DHRS7C: variants seen among roughly 807,000 people sequenced by gnomAD.
The protein encoded by DHRS7C is dehydrogenase/reductase 7C.
Under a neutral mutation model 29.6 loss-of-function variants are expected in DHRS7C, and 28 were observed. The observed-to-expected ratio is 0.95, with a 90% CI of 0.70 to 1.30. The LOEUF (loss-of-function observed/expected upper bound fraction) is 1.30. Among genes scored for constraint, DHRS7C ranks in the 50% most tolerant of loss-of-function variants. The pLI, the probability that DHRS7C is intolerant of heterozygous loss-of-function variation, is 0.00. For synonymous variants in DHRS7C, 158 were observed against 160.2 expected, an observed-to-expected ratio of 0.99 and a Z score of 0.10; for missense variants, 403 against 393.3, an observed-to-expected ratio of 1.02 and a Z score of -0.21.
chr17:9,772,984 G>T lies in DHRS7C; in HGVS notation c.572-62C>A, dbSNP rs1220049332. On this transcript the variant is annotated intron_variant, in intron 4 of 5. Transcript: ENST00000571134. The stretch of plus-strand genomic sequence containing the variant: ...CTCCCGGCCCTGCTTCCTGGTGGGC[G>T]CATTGGAGGCAGGAGGGCCGACAGA... The T allele has an allele frequency of 6.3e-6, 10 of 1,579,528 alleles. No homozygotes were observed. The East Asian group carries it at 2.0e-4, about 32-fold the overall frequency.
In DHRS7C at chr17:9,774,866, G is replaced by A. The variant is rs1371381608; in HGVS notation, c.572-1944C>T. Among the ~76,000 whole-genome samples the A allele has an allele frequency of 6.6e-6, 1 of 152,132 alleles. No homozygotes were observed. Among genetic ancestry groups the A allele is most frequent in the Non-Finnish European group, 1.5e-5 (1 of 68,030 alleles). ...ATTCAGAGGAAGAAGAGAATTTGGG[G>A]CCAGTCCAGGGTGGCATGGCTTCAG... On this transcript the variant is annotated intron_variant, in intron 4 of 5. Coordinates refer to ENST00000571134, the MANE Select transcript of DHRS7C (RefSeq NM_001105571.3). This position sits in a 1 kb window ranked among gnomAD's most constrained non-coding sequence, Gnocchi z 5.0.
rs528764485 is a variant in DHRS7C, at chr17:9,775,817, C to T, written c.571+1376G>A. Among the ~76,000 whole-genome samples, 3 of 152,122 alleles carry T rather than the reference C, an allele frequency of 2.0e-5. No individual in the cohort carries two copies. Among genetic ancestry groups the T allele is most frequent in the Admixed American group, 6.6e-5 (1 of 15,258 alleles). On this transcript the variant is annotated intron_variant, in intron 4 of 5. Coordinates refer to ENST00000571134, the MANE Select transcript of DHRS7C (RefSeq NM_001105571.3). The surrounding 1 kb of genome is among the most constrained non-coding windows in gnomAD (Gnocchi z 4.2). Reference sequence around the variant, plus strand: ...CCAATACCCAGTACTCAGAATGTGACGGTATTTAGAGATATTTAAAGAGGT... The same window carrying T: ...CCAATACCCAGTACTCAGAATGTGATGGTATTTAGAGATATTTAAAGAGGT...
intron 1 of DHRS7C, among the ~76,000 whole-genome samples, chr17:9,785,551 G>A (rs1462151902): frequency 1.3e-5 from 2 of 152,206 alleles, no homozygotes; most frequent in Non-Finnish European, 2.9e-5. Context: ...TCTCAGAAGG[G>A]CAGTGGAACT....
At chr17:9,771,948 G>A (rs992594937) in intron 5 of DHRS7C, among the ~76,000 whole-genome samples, 2 of 152,234 alleles carry the variant, frequency 1.3e-5, no homozygotes, top group Non-Finnish European at 2.9e-5. Flanking sequence ...GGGCGGTTAC[G>A]TGTGGGGGAA....
chr17:9,779,978 C>T lies in DHRS7C; in HGVS notation c.325G>A (p.Val109Met). The T allele has an allele frequency of 6.2e-7, 1 of 1,613,914 alleles. No homozygotes were observed. The highest frequency in any genetic ancestry group is 8.5e-7 in the Non-Finnish European group (1 of 1,179,890). The change falls in exon 3 of 6, where the codon GTG (valine) becomes ATG (methionine). Residue 109 changes from valine to methionine, a missense_variant. Val to Met is a conservative substitution (Grantham distance 21). Coordinates refer to ENST00000571134, the MANE Select transcript of DHRS7C (RefSeq NM_001105571.3). ...TAGCAATCCAGGACTTCTTTTGCCACATCTGGGACACAGCTGATGTCTGAG... is the reference window on the plus strand; with the variant it reads ...TAGCAATCCAGGACTTCTTTTGCCATATCTGGGACACAGCTGATGTCTGAG... ...DLSDISCVPD[V>M]AKEVLDCYGC... is the part of the protein sequence containing the mutation.
In DHRS7C at chr17:9,771,824, C is replaced by T. The variant is rs190002902; in HGVS notation, c.728-128G>A. 48 of 975,696 alleles carry T rather than the reference C, an allele frequency of 4.9e-5. No individual in the cohort carries two copies. In the Admixed American group the frequency reaches 7.1e-4, roughly 14 times the overall value. 60.4% of individuals were successfully genotyped at this position (975,696 alleles called of 1,614,324 possible). Reference sequence around the variant, plus strand: ...GTCCCCGGAGTCACAGGTTCCAGGCCCCCTCCGCCACCCGCGGACCGCGGC... The same window carrying T: ...GTCCCCGGAGTCACAGGTTCCAGGCTCCCTCCGCCACCCGCGGACCGCGGC... On this transcript the variant is annotated intron_variant, in intron 5 of 5. Transcript: ENST00000571134.
chr17:9,773,031 G>T, intron 4 of DHRS7C, 109 bp from the exon 5 acceptor site: 1 of 1,335,194 alleles, frequency 7.5e-7, no homozygotes, highest in Non-Finnish European at 1.0e-6. Context: ...CAGGCGCAGA[G>T]CTGGGAAGAT....
chr17:9,785,663 T>C (rs971504374), intron 1 of DHRS7C, among the ~76,000 whole-genome samples: 1 of 152,138 alleles, frequency 6.6e-6, no homozygotes, highest in Non-Finnish European at 1.5e-5. Context: ...TTCACAGAAA[T>C]GAATAATCCT....
At chr17:9,778,955 G>A (rs1757911382) in intron 3 of DHRS7C, among the ~76,000 whole-genome samples, 1 of 152,124 alleles carries the variant, frequency 6.6e-6, no homozygotes, top group Non-Finnish European at 1.5e-5. Context: ...CCTGTCTAAA[G>A]ATGGAGTGCA....
intron 1 of DHRS7C, among the ~76,000 whole-genome samples, chr17:9,784,404 G>T (rs781520392): frequency 1.3e-5 from 2 of 151,976 alleles, no homozygotes; most frequent in Non-Finnish European, 2.9e-5. Context: ...CCCAGGAGGC[G>T]GAGCTTGCAG....
In DHRS7C at chr17:9,771,579, G is replaced by A. The variant is rs948319574; in HGVS notation, c.845C>T (p.Ala282Val). ...VFMANPIPKA[A>V]VYVRTFFPEF... Reference sequence around the variant, plus strand: ...CGGGAAGAAGGTGCGGACGTACACGGCGGCCTTGGGGATGGGGTTGGCCAT... The same window carrying A: ...CGGGAAGAAGGTGCGGACGTACACGACGGCCTTGGGGATGGGGTTGGCCAT... The change falls in exon 6 of 6, where the codon GCC (alanine) becomes GTC (valine). Residue 282 changes from alanine to valine, a missense_variant. Transcript: ENST00000571134. 9.4e-6 allele frequency: 15 copies of A among 1,594,976 alleles called. No individual in the cohort carries two copies. Among genetic ancestry groups the A allele is most frequent in the Non-Finnish European group, 1.2e-5 (14 of 1,169,848 alleles).
At chr17:9,778,693 C>A (rs1448294118) in intron 3 of DHRS7C, among the ~76,000 whole-genome samples, 2 of 152,296 alleles carry the variant, frequency 1.3e-5, no homozygotes, top group East Asian at 3.9e-4. Flanking sequence ...AGTCATCTTT[C>A]TGCCCCAAAT....
intron 1 of DHRS7C, among the ~76,000 whole-genome samples, chr17:9,789,775 G>C (rs570865524): frequency 3.3e-5 from 5 of 152,312 alleles, no homozygotes; most frequent in Admixed American, 6.5e-5. Context: ...AATAGCTTTA[G>C]GTGGGCATCT....
chr17:9,777,431 G>A (rs2066368895), intron 3 of DHRS7C, 146 bp from the exon 4 acceptor site: 1 of 533,104 alleles, frequency 1.9e-6, no homozygotes, highest in South Asian at 3.3e-5. Context: ...GGTGGAATGA[G>A]TCCTGCAATC....
rs1597933853 is a variant in DHRS7C, at chr17:9,791,440, T to C, written c.-156A>G. On this transcript the variant is annotated 5_prime_UTR_variant, in exon 1 of 6. Transcript: ENST00000571134. ...CAGTGGGCGTGCTAATCCCCAAATG[T>C]TCAACAAATAGGAAGTTACTCACAG... is the stretch of plus-strand genomic sequence containing the variant. 1.3e-6 allele frequency: 1 copy of C among 781,500 alleles called. No homozygotes were observed. The highest frequency in any genetic ancestry group is 2.9e-5 in the East Asian group (1 of 34,920). The allele number at this position is 781,500 out of a possible 1,614,324, so 48.4% of individuals were successfully genotyped here. A position where few individuals can be genotyped will look rare whatever the true frequency, so the allele number is the denominator to read the frequency against.
At position 9,772,917 on chromosome 17, in the gene DHRS7C, C is replaced by G; in HGVS notation, c.577G>C (p.Ala193Pro). Residue 193 changes from alanine to proline, a missense_variant, in exon 5 of 6, where the codon GCC (alanine) becomes CCC (proline). By Grantham distance (27) the Ala-to-Pro change is conservative (BLOSUM62 -1). Transcript: ENST00000571134. ...AAGCCCAGGGCTGCGTGCTTGGAGG[C>G]AGCGTCTGCGAGACAAACCATCCGG... The part of the protein sequence containing the change: ...FGIPFRTTYA[A>P]SKHAALGFFD... 7 of 1,613,594 alleles carry G rather than the reference C, an allele frequency of 4.3e-6. No homozygotes were observed. The highest frequency in any genetic ancestry group is 5.9e-6 in the Non-Finnish European group (7 of 1,179,834).
At chr17:9,787,294 G>A (rs1054793572) in intron 1 of DHRS7C, among the ~76,000 whole-genome samples, 1 of 152,216 alleles carries the variant, frequency 6.6e-6, no homozygotes, top group Non-Finnish European at 1.5e-5. Context: ...GGGCCTGTGA[G>A]CAGGAGCCAG....
intron 1 of DHRS7C, 119 bp from the exon 2 acceptor site, chr17:9,781,713 C>T: frequency 3.4e-6 from 3 of 874,752 alleles, no homozygotes; most frequent in Non-Finnish European, 5.2e-6. Context: ...ACCACGAGGT[C>T]CTTTAGGGGT....
Position 9,791,030 on chromosome 17 carries a change from G to A in DHRS7C, c.154+101C>T, listed in dbSNP as rs140663551. The A allele has an allele frequency of 8.3e-3, 11,625 of 1,400,298 alleles. 55 individuals carry two copies. The highest frequency in any genetic ancestry group is 0.017 in the Middle Eastern group (75 of 4,508). The allele number at this position is 1,400,298 out of a possible 1,614,324, so 86.7% of individuals were successfully genotyped here. ...AACACAGGATCGATCCCCTCCCACC[G>A]AGCAGGTTTGCCCACACAGCGCCCT... is the stretch of plus-strand genomic sequence containing the variant. On this transcript the variant is annotated intron_variant, in intron 1 of 5. Coordinates refer to ENST00000571134, the MANE Select transcript of DHRS7C (RefSeq NM_001105571.3).
Sources: gnomAD v4.1 joint callset for allele counts (sites outside exome capture counted in the v4.1 genomes callset) on GRCh38, gnomAD v4.1.1 for gene constraint, Gnocchi (gnomAD v3.1) non-coding constraint, MANE v1.5 for transcripts, NCBI Gene and HGNC (gene_info 2026-07-23, HGNC 2026-07-21) for gene names.